The following SLC39A8 variants were observed in gnomAD, a reference collection of about 807,000 sequenced individuals.
The protein encoded by SLC39A8 is metal cation symporter ZIP8.
Under a neutral mutation model 40.4 loss-of-function variants are expected in SLC39A8, and 15 were observed. The observed-to-expected ratio is 0.37, with a 90% confidence interval of 0.25 to 0.57. The LOEUF (loss-of-function observed/expected upper bound fraction) is 0.57, where lower values mean the gene tolerates loss of function less well. Ranked by LOEUF, SLC39A8 falls within the 20% of genes least tolerant of loss-of-function variation. The pLI is 0.75. For synonymous variants in SLC39A8, 223 were observed against 221.6 expected (o/e 1.01, Z -0.06); for missense variants, 472 against 558.8 (o/e 0.84, Z 1.57).
Position 102,305,053 on chromosome 4 carries a change from C to G in SLC39A8, c.611G>C (p.Gly204Ala). Residue 204 changes from glycine (G) to alanine (A), a missense_variant, in exon 5 of 9, where the codon GGT becomes GCT. By Grantham distance (60) the Gly-to-Ala change is moderately conservative. This residue lies in a region of SLC39A8 where 239 missense variants were observed against 317.9 expected (regional missense o/e 0.75). Coordinates refer to ENST00000356736, the MANE Select transcript of SLC39A8 (RefSeq NM_001135146.2). Reference sequence around the variant, plus strand: ...AAAAAAGAAAAGTAGGTAAAATCCACCAAACACAGCAACTGCCTTCTCAAC... The same window carrying G: ...AAAAAAGAAAAGTAGGTAAAATCCAGCAAACACAGCAACTGCCTTCTCAAC... Reference protein sequence around the residue: ...SYVEKAVAVFGGFYLLFFFER... With the variant: ...SYVEKAVAVFAGFYLLFFFER... The G allele has an allele frequency of 6.2e-7, 1 of 1,610,728 alleles. No individual in the cohort carries two copies.
chr4:102,290,163 A>G (rs1733359832), intron 6 of SLC39A8, among the ~76,000 whole-genome samples: 1 of 152,192 alleles, frequency 6.6e-6, no homozygotes, highest in Non-Finnish European at 1.5e-5. Context: ...ACTTACAAAA[A>G]CATTAGAACT....
At chr4:102,333,037 GTA>G in intron 2 of SLC39A8, among the ~76,000 whole-genome samples, 1 of 152,252 alleles carries the variant, frequency 6.6e-6, no homozygotes, top group South Asian at 2.1e-4. Flanking sequence ...GCTAGGGGAG[GTA>G]TAGCATTAGG....
At chr4:102,316,006 C>G (rs924047300) in intron 2 of SLC39A8, among the ~76,000 whole-genome samples, 176 bp from the exon 3 acceptor site, 1 of 149,780 alleles carries the variant, frequency 6.7e-6, no homozygotes, top group Non-Finnish European at 1.5e-5. Context: ...CCAGTTTAAA[C>G]CTAGAAACAA....
chr4:102,313,071 A>C (rs923575525), intron 3 of SLC39A8, among the ~76,000 whole-genome samples: 4 of 152,210 alleles, frequency 2.6e-5, no homozygotes, highest in Admixed American at 2.0e-4. Context: ...TAATATTTCA[A>C]AATTGAAATT....
intron 2 of SLC39A8, among the ~76,000 whole-genome samples, chr4:102,330,238 T>C (rs1735392021): frequency 6.6e-6 from 1 of 152,026 alleles, no homozygotes; most frequent in African/African-American, 2.4e-5. Flanking sequence ...CAGGAGCTGG[T>C]TTTTTTGAAA....
At chr4:102,332,667 T>A (rs1231566970) in intron 2 of SLC39A8, among the ~76,000 whole-genome samples, 1 of 152,232 alleles carries the variant, frequency 6.6e-6, no homozygotes, top group Admixed American at 6.5e-5. Flanking sequence ...CATTACTGGG[T>A]ATATACCCAA....
rs142503084 is a variant in SLC39A8, at chr4:102,331,595, G to A, written c.219+12849C>T. ...CATGAAAACGGCCATACTGCCCAAC[G>A]TAATTTATAGATTCAATGCTATCCC... is the stretch of plus-strand genomic sequence containing the variant. On this transcript the variant is annotated intron_variant, in intron 2 of 8. Transcript: ENST00000356736. 1.1e-3 allele frequency among the ~76,000 whole-genome samples: 160 copies of A among 152,210 alleles called. 1 individual carries two copies. The highest frequency in any genetic ancestry group is 3.5e-3 in the African/African-American group (145 of 41,524).
intron 6 of SLC39A8, among the ~76,000 whole-genome samples, chr4:102,297,256 A>G (rs1170341880): frequency 6.6e-6 from 1 of 152,034 alleles, no homozygotes; most frequent in African/African-American, 2.4e-5. Context: ...TAAGTTAACC[A>G]AACAGACCAG....
At chr4:102,303,038 G>A (rs981455485) in intron 6 of SLC39A8, among the ~76,000 whole-genome samples, 2 of 151,996 alleles carry the variant, frequency 1.3e-5, no homozygotes, top group East Asian at 3.9e-4. Context: ...CTTTCCAGAA[G>A]GAAACTCAGG....
rs549729556 is a variant in SLC39A8, at chr4:102,262,326, AG to A, written c.*717del. Reference sequence around the variant, plus strand: ...TTGTGAGGGGTGCAACCACAACATAAGTCAGAAAAAAAGCTATCCAGCTTTT... The same window carrying A: ...TTGTGAGGGGTGCAACCACAACATAATCAGAAAAAAAGCTATCCAGCTTTT... On this transcript the variant is annotated 3_prime_UTR_variant, in exon 9 of 9. Transcript: ENST00000356736. 35 of 985,606 alleles carry A rather than the reference AG, an allele frequency of 3.6e-5. No homozygotes were observed. In the South Asian group the frequency reaches 9.9e-4, roughly 28 times the overall value. 61.1% of individuals were successfully genotyped at this position (985,606 alleles called of 1,614,324 possible). A position where few individuals can be genotyped will look rare whatever the true frequency, so the allele number is the denominator to read the frequency against.
chr4:102,266,968 C>G (rs1732131841), intron 8 of SLC39A8, among the ~76,000 whole-genome samples: 1 of 152,136 alleles, frequency 6.6e-6, no homozygotes, highest in African/African-American at 2.4e-5. Flanking sequence ...AGACATTGAA[C>G]AGATATAAAT....
At chr4:102,323,103 C>T (rs748949448) in intron 2 of SLC39A8, among the ~76,000 whole-genome samples, 2 of 152,168 alleles carry the variant, frequency 1.3e-5, no homozygotes, top group African/African-American at 4.8e-5. Context: ...AAGTAAGTGG[C>T]GATCTCCTGT....
intron 6 of SLC39A8, among the ~76,000 whole-genome samples, chr4:102,297,013 T>G (rs939103689): frequency 6.6e-6 from 1 of 152,080 alleles, no homozygotes; most frequent in Non-Finnish European, 1.5e-5. Context: ...GTGGGAGCAT[T>G]GCTTGAGCCC....
downstream of SLC39A8, among the ~76,000 whole-genome samples, chr4:102,258,925 T>C (rs1731774666): frequency 6.6e-6 from 1 of 152,170 alleles, no homozygotes; most frequent in Non-Finnish European, 1.5e-5. Flanking sequence ...AAACCAGAAC[T>C]TACACACCAC....
At chr4:102,319,145 T>C (rs1158218071) in intron 2 of SLC39A8, among the ~76,000 whole-genome samples, 1 of 152,200 alleles carries the variant, frequency 6.6e-6, no homozygotes, top group Non-Finnish European at 1.5e-5. Context: ...AATAGTTATG[T>C]GCATTTTGGC....
At chr4:102,275,860 C>A (rs1001917718) in intron 6 of SLC39A8, among the ~76,000 whole-genome samples, 4 of 152,108 alleles carry the variant, frequency 2.6e-5, no homozygotes, top group Non-Finnish European at 2.9e-5. Flanking sequence ...TACATGGAAA[C>A]GGAACAAACT....
intron 2 of SLC39A8, among the ~76,000 whole-genome samples, chr4:102,336,129 T>C (rs1403706388): frequency 6.6e-6 from 1 of 152,222 alleles, no homozygotes; most frequent in Non-Finnish European, 1.5e-5. Flanking sequence ...AAGTCTTATA[T>C]CTTTATTGAG....
chr4:102,260,933 C>CT (rs1731831031), downstream of SLC39A8, among the ~76,000 whole-genome samples: 1 of 152,190 alleles, frequency 6.6e-6, no homozygotes, highest in Non-Finnish European at 1.5e-5. Context: ...TGAAATCTTA[C>CT]TAGTAAACTC....
chr4:102,340,601 T>C (rs1282241338), intron 2 of SLC39A8, among the ~76,000 whole-genome samples: 1 of 152,194 alleles, frequency 6.6e-6, no homozygotes, highest in Non-Finnish European at 1.5e-5. Context: ...CCACTCTAAG[T>C]GTTTGTAGTT....
Sources: gnomAD v4.1 joint callset for allele counts (sites outside exome capture counted in the v4.1 genomes callset) on GRCh38, gnomAD v4.1.1 for gene constraint, gnomAD v4.1.1 regional missense constraint, MANE v1.5 for transcripts, NCBI Gene and HGNC (gene_info 2026-07-23, HGNC 2026-07-21) for gene names.